FOCAD: variants seen among roughly 807,000 people sequenced by gnomAD.
FOCAD encodes the protein focadhesin, also known as KIAA1797.
FOCAD carries 198 observed loss-of-function variants against 225.6 expected under a neutral mutation model. That is an observed-to-expected ratio of 0.88 (90% confidence interval 0.78 to 0.99). The LOEUF (loss-of-function observed/expected upper bound fraction) is 0.99. Among genes scored for constraint, FOCAD ranks in the 50% least tolerant of loss-of-function variants. The pLI is 0.00. For missense variants in FOCAD, 2,713 were observed against 2,123.6 expected, an observed-to-expected ratio of 1.28 and a Z score of -5.46; for synonymous variants, 897 against 755.0, an observed-to-expected ratio of 1.19 and a Z score of -3.08.
intron 1 of FOCAD, among the ~76,000 whole-genome samples, chr9:20,699,826 A>G (rs914650897): frequency 3.1e-5 from 4 of 129,230 alleles, no homozygotes; most frequent in South Asian, 2.6e-4. Context: ...GAAGAGCTAC[A>G]TATTACATCT....
chr9:20,813,993 G>A (rs1258903683), intron 11 of FOCAD, among the ~76,000 whole-genome samples: 1 of 151,986 alleles, frequency 6.6e-6, no homozygotes, highest in Non-Finnish European at 1.5e-5. Flanking sequence ...TTTCTCTCTT[G>A]TGACGATTTT....
intron 19 of FOCAD, among the ~76,000 whole-genome samples, chr9:20,877,812 A>G (rs988155348): frequency 1.3e-5 from 2 of 152,154 alleles, no homozygotes; most frequent in African/African-American, 4.8e-5. Flanking sequence ...TGGGAGGCTG[A>G]GACGAGAGAG....
intron 11 of FOCAD, among the ~76,000 whole-genome samples, chr9:20,812,488 C>A (rs887225233): frequency 6.6e-6 from 1 of 151,860 alleles, no homozygotes; most frequent in African/African-American, 2.4e-5. Context: ...TGAAGTGTTG[C>A]CAACGTGTAT....
chr9:20,708,720 G>T, intron 1 of FOCAD, among the ~76,000 whole-genome samples: 1 of 152,004 alleles, frequency 6.6e-6, no homozygotes, highest in Admixed American at 6.6e-5. Flanking sequence ...AGGCTGCAGT[G>T]ACCTATGATT....
At chr9:20,852,005 G>C (rs902910968) in intron 15 of FOCAD, among the ~76,000 whole-genome samples, 1 of 151,748 alleles carries the variant, frequency 6.6e-6, no homozygotes, top group Non-Finnish European at 1.5e-5. Context: ...CAGAAAATGT[G>C]CCCTGCCCTG....
chr9:20,757,397 G>T (rs1332567551), intron 5 of FOCAD, among the ~76,000 whole-genome samples: 8 of 151,042 alleles, frequency 5.3e-5, no homozygotes, highest in African/African-American at 9.7e-5. Flanking sequence ...TTTTTTTTGG[G>T]GTTAAACCCC....
chr9:20,796,051 G>A (rs1237350556), intron 11 of FOCAD, among the ~76,000 whole-genome samples: 2 of 151,088 alleles, frequency 1.3e-5, no homozygotes, highest in Non-Finnish European at 2.9e-5. Context: ...ACCTATGAGT[G>A]AGAACATGCG....
intron 11 of FOCAD, among the ~76,000 whole-genome samples, chr9:20,812,459 C>T (rs1231011063): frequency 6.6e-6 from 1 of 151,912 alleles, no homozygotes; most frequent in Non-Finnish European, 1.5e-5. Context: ...AAAAATTATG[C>T]TCTTTTTTTG....
chr9:20,930,281 T>C (rs925007298), intron 27 of FOCAD, among the ~76,000 whole-genome samples: 1 of 152,220 alleles, frequency 6.6e-6, no homozygotes, highest in Admixed American at 6.5e-5. Flanking sequence ...CAGTCTGCTT[T>C]AGTTTTGTTG....
intron 41 of FOCAD, among the ~76,000 whole-genome samples, chr9:20,989,842 C>T (rs1393019282): frequency 6.6e-6 from 1 of 152,132 alleles, no homozygotes; most frequent in Non-Finnish European, 1.5e-5. Context: ...CGATGTTTCT[C>T]CTGAAATGTT....
At chr9:20,877,481 G>A (rs1587480348) in intron 19 of FOCAD, among the ~76,000 whole-genome samples, 2 of 152,150 alleles carry the variant, frequency 1.3e-5, no homozygotes, top group Non-Finnish European at 2.9e-5. Context: ...GCAAAGTAAT[G>A]TACATATTTT....
At chr9:20,968,554 G>A (rs1839478340) in intron 35 of FOCAD, among the ~76,000 whole-genome samples, 1 of 142,418 alleles carries the variant, frequency 7.0e-6, no homozygotes, top group Non-Finnish European at 1.5e-5. Flanking sequence ...TGATTCTCCT[G>A]CCTCAGCCTC....
chr9:20,833,391 T>C (rs1309827709), intron 15 of FOCAD, among the ~76,000 whole-genome samples: 1 of 152,112 alleles, frequency 6.6e-6, no homozygotes, highest in African/African-American at 2.4e-5. Context: ...ACTTATGGCT[T>C]ATTTTCTTTG....
At chr9:20,664,240 T>C (rs1285250296) in intron 2 of FOCAD, among the ~76,000 whole-genome samples, 1 of 150,794 alleles carries the variant, frequency 6.6e-6, no homozygotes, top group Non-Finnish European at 1.5e-5. Flanking sequence ...TAGTATTAAA[T>C]TTATATCTAT....
intron 4 of FOCAD, among the ~76,000 whole-genome samples, chr9:20,736,131 G>C (rs1023024947): frequency 6.6e-6 from 1 of 152,098 alleles, no homozygotes; most frequent in Non-Finnish European, 1.5e-5. Flanking sequence ...GTTGTTTGTA[G>C]ACAAGAATGC....
chr9:20,911,525 A>T (rs1833438409), intron 22 of FOCAD, among the ~76,000 whole-genome samples: 1 of 152,202 alleles, frequency 6.6e-6, no homozygotes, highest in African/African-American at 2.4e-5. Context: ...ATTTAGATAA[A>T]TTCATGAAAG....
At chr9:20,814,958 T>G (rs569940187) in intron 11 of FOCAD, among the ~76,000 whole-genome samples, 1 of 152,120 alleles carries the variant, frequency 6.6e-6, no homozygotes, top group Admixed American at 6.6e-5. Context: ...ATTCTTTGTT[T>G]AGGTATTACC....
chr9:20,919,899 T>G (rs1289529251), intron 24 of FOCAD, among the ~76,000 whole-genome samples: 2 of 151,766 alleles, frequency 1.3e-5, no homozygotes, highest in Non-Finnish European at 2.9e-5. Context: ...GACATAGGCA[T>G]GGGCAAGGAC....
intron 4 of FOCAD, among the ~76,000 whole-genome samples, chr9:20,721,538 C>T (rs1404686675): frequency 6.6e-6 from 1 of 152,020 alleles, no homozygotes; most frequent in Non-Finnish European, 1.5e-5. Context: ...TGTGTCTCTA[C>T]TAAAAATACA....
Sources: allele counts gnomAD v4.1 joint callset (sites outside exome capture counted in the v4.1 genomes callset), GRCh38; gene constraint gnomAD v4.1.1; transcripts MANE v1.5; gene names NCBI Gene and HGNC (gene_info 2026-07-23, HGNC 2026-07-21).